The following LRRIQ4 variants were observed in gnomAD, a reference collection of about 807,000 sequenced individuals.
LRRIQ4 encodes leucine rich repeats and IQ motif containing 4.
LRRIQ4 carries 21 observed loss-of-function variants against 40.1 expected under a neutral mutation model. That is an observed-to-expected ratio of 0.52 (90% confidence interval 0.37 to 0.75). The LOEUF (loss-of-function observed/expected upper bound fraction) is 0.75. LRRIQ4 is among the 30% of genes least tolerant of loss of function. The pLI is 0.00. For missense variants in LRRIQ4, 655 were observed against 660.0 expected, an observed-to-expected ratio of 0.99 and a Z score of 0.08; for synonymous variants, 277 against 277.1, an observed-to-expected ratio of 1.00 and a Z score of 0.00.
At position 169,823,705 on chromosome 3, in the gene LRRIQ4, T is replaced by C. The variant is rs185271625; in HGVS notation, c.1020+764T>C. Among the ~76,000 whole-genome samples the C allele has an allele frequency of 2.3e-3, 356 of 152,290 alleles. 1 individual carries two copies. Among genetic ancestry groups the C allele is most frequent in the Non-Finnish European group, 2.5e-3 (171 of 68,024 alleles). Reference sequence around the variant, plus strand: ...ACAGAGTTTCCGTTAACAGCAGATGTTTCTAATACACAACAGCCTTAGAAG... The same window carrying C: ...ACAGAGTTTCCGTTAACAGCAGATGCTTCTAATACACAACAGCCTTAGAAG... On this transcript the variant is annotated intron_variant, in intron 2 of 5. Coordinates refer to ENST00000340806, the MANE Select transcript of LRRIQ4 (RefSeq NM_001080460.3).
At chr3:169,831,261 C>CTTT (rs869088396) in intron 4 of LRRIQ4, among the ~76,000 whole-genome samples, 354 of 33,476 alleles carry the variant, frequency 0.011, 64 homozygotes, top group Non-Finnish European at 0.017. Flanking sequence ...TATGGCTATT[C>CTTT]TTTTTTTTTT....
chr3:169,833,879 C>T (rs1281121934), intron 5 of LRRIQ4, among the ~76,000 whole-genome samples: 1 of 152,194 alleles, frequency 6.6e-6, no homozygotes, highest in Admixed American at 6.5e-5. Context: ...GTCCGTAAAA[C>T]CCCCTCTCAA....
chr3:169,823,301 G>T (rs1779960219), intron 2 of LRRIQ4, among the ~76,000 whole-genome samples: 1 of 151,122 alleles, frequency 6.6e-6, no homozygotes, highest in Admixed American at 6.6e-5. Context: ...CTGCAGCCGC[G>T]ATTCCAGCCC....
chr3:169,822,346 A>AC lies in LRRIQ4; in HGVS notation c.427dup (p.His143ProfsTer36). 1 of 1,613,598 alleles carries AC rather than the reference A, an allele frequency of 6.2e-7. No individual in the cohort carries two copies. The highest frequency in any genetic ancestry group is 1.1e-5 in the South Asian group (1 of 91,012). On this transcript the variant is annotated frameshift_variant, in exon 2 of 6. Transcript: ENST00000340806. LOFTEE classifies it high-confidence loss of function. ...CCCGTCGTCATCTTTAAAAACCTCC[A>AC]CCATCTCGAGCTGCTCGGACTGACC...
Position 169,822,999 on chromosome 3 carries a change from A to G in LRRIQ4, c.1020+58A>G, listed in dbSNP as rs1417001073. On this transcript the variant is annotated intron_variant, in intron 2 of 5. Transcript: ENST00000340806. ...CTCATCCAGGGTCCTTCCTGCCCTA[A>G]GTTGGTTCTGTATCTAAACAGCAAA... 7 of 1,423,508 alleles carry G rather than the reference A, an allele frequency of 4.9e-6. No homozygotes were observed. The Admixed American group carries it at 2.1e-4, about 43-fold the overall frequency. The allele number at this position is 1,423,508 out of a possible 1,614,324, so 88.2% of individuals were successfully genotyped here.
chr3:169,823,717 A>G (rs1779972192), intron 2 of LRRIQ4, among the ~76,000 whole-genome samples: 1 of 152,210 alleles, frequency 6.6e-6, no homozygotes, highest in Admixed American at 6.5e-5. Flanking sequence ...TCTAATACAC[A>G]ACAGCCTTAG....
In LRRIQ4 at chr3:169,822,948, A is replaced by T. The variant is rs1049566594; in HGVS notation, c.1020+7A>T. Reference sequence around the variant, plus strand: ...TGACAATAAAATAGGACAGGTACGGATTCCTTTTCTGGCTGTCACTATGCT... The same window carrying T: ...TGACAATAAAATAGGACAGGTACGGTTTCCTTTTCTGGCTGTCACTATGCT... On this transcript the variant is annotated splice_region_variant and intron_variant, in intron 2 of 5. Coordinates refer to ENST00000340806, the MANE Select transcript of LRRIQ4 (RefSeq NM_001080460.3). 2.6e-6 allele frequency: 4 copies of T among 1,509,732 alleles called. No homozygotes were observed. Among genetic ancestry groups the T allele is most frequent in the Non-Finnish European group, 1.8e-6 (2 of 1,129,984 alleles). The allele number at this position is 1,509,732 out of a possible 1,614,324, so 93.5% of individuals were successfully genotyped here.
intron 2 of LRRIQ4, among the ~76,000 whole-genome samples, chr3:169,825,801 G>C (rs566745970): frequency 3.2e-4 from 49 of 152,200 alleles, no homozygotes; most frequent in Non-Finnish European, 6.2e-4. Context: ...GACAATCTCT[G>C]TGTACCAGTG....
chr3:169,831,428 C>T (rs1461062103), intron 4 of LRRIQ4, among the ~76,000 whole-genome samples: 3 of 134,694 alleles, frequency 2.2e-5, no homozygotes, highest in Admixed American at 7.7e-5. Context: ...CGCCCGCCAC[C>T]ACGCCCGGCT....
chr3:169,831,261 C>CTTTTTTTTT lies in LRRIQ4; in HGVS notation c.1333+653_1333+661dup, dbSNP rs869088396. Reference sequence around the variant, plus strand: ...CACATGTTTTCAAACTATGGCTATTCTTTTTTTTTTTTTTTTTTTTTTTTT... The same window carrying CTTTTTTTTT: ...CACATGTTTTCAAACTATGGCTATTCTTTTTTTTTTTTTTTTTTTTTTTTTTTTTTTTTT... On this transcript the variant is annotated intron_variant, in intron 4 of 5. Coordinates refer to ENST00000340806, the MANE Select transcript of LRRIQ4 (RefSeq NM_001080460.3). Among the ~76,000 whole-genome samples, 13 of 33,464 alleles carry CTTTTTTTTT rather than the reference C, an allele frequency of 3.9e-4. 3 individuals are homozygous for CTTTTTTTTT. The highest frequency in any genetic ancestry group is 9.2e-4 in the African/African-American group (9 of 9,760). 22.0% of individuals were successfully genotyped at this position (33,464 alleles called of 152,430 possible).
At chr3:169,833,207 T>C in intron 5 of LRRIQ4, 24 bp downstream of exon 5, 1 of 1,591,104 alleles carries the variant, frequency 6.3e-7, no homozygotes. Context: ...AGATTCTTGA[T>C]AACAGTTGCT....
In LRRIQ4 at chr3:169,822,131, AAAG is replaced by A; in HGVS notation, c.213_215del (p.Lys71del). 6.2e-7 allele frequency: 1 copy of A among 1,612,896 alleles called. No homozygotes were observed. The highest frequency in any genetic ancestry group is 1.3e-5 in the African/African-American group (1 of 74,946). On this transcript the variant is annotated inframe_deletion, in exon 2 of 6. Coordinates refer to ENST00000340806, the MANE Select transcript of LRRIQ4 (RefSeq NM_001080460.3). ...AAATTCCCCAGGAGATTCAGCGTTT[AAAG>A]AACATCAGGGTCCTCTACCTGGATA...
At chr3:169,832,331 G>C (rs1366681277) in intron 4 of LRRIQ4, among the ~76,000 whole-genome samples, 1 of 151,924 alleles carries the variant, frequency 6.6e-6, no homozygotes, top group East Asian at 1.9e-4. Flanking sequence ...AGCTGGGCTT[G>C]GTGGTGGGTG....
rs1449413281 is a variant in LRRIQ4 at position 169,822,552 on chromosome 3, A to T, written c.631A>T (p.Thr211Ser). 2 of 1,613,936 alleles carry T rather than the reference A, an allele frequency of 1.2e-6. No individual in the cohort carries two copies. The highest frequency in any genetic ancestry group is 1.7e-6 in the Non-Finnish European group (2 of 1,179,848). Residue 211 changes from threonine to serine, a missense_variant, in exon 2 of 6, where the codon ACG becomes TCG. Transcript: ENST00000340806. The stretch of plus-strand genomic sequence containing the variant: ...CATCCCAGAAGAGATCGGACACCTG[A>T]CGGGGCTGCAGAAGTTCTATATGGC... ...GAIPEEIGHL[T>S]GLQKFYMASN...
chr3:169,820,188 G>A (rs927514351), intron 1 of LRRIQ4, among the ~76,000 whole-genome samples: 1 of 151,720 alleles, frequency 6.6e-6, no homozygotes, highest in Admixed American at 6.6e-5. Context: ...GAAGTTCAAA[G>A]ACGCTACCGC....
intron 3 of LRRIQ4, 30 bp downstream of exon 3, chr3:169,828,962 A>C: frequency 6.4e-7 from 1 of 1,574,748 alleles, no homozygotes; most frequent in Non-Finnish European, 8.6e-7. Context: ...CAGGCTAAGA[A>C]GCACCTGTCA....
chr3:169,836,857 G>A (rs1560617289), intron 5 of LRRIQ4, among the ~76,000 whole-genome samples: 1 of 152,216 alleles, frequency 6.6e-6, no homozygotes, highest in Non-Finnish European at 1.5e-5. Flanking sequence ...GAGTGAGCCA[G>A]GGAAAAGGGA....
chr3:169,815,672 T>C (rs933837738), intron 1 of LRRIQ4, among the ~76,000 whole-genome samples: 2 of 152,238 alleles, frequency 1.3e-5, no homozygotes, highest in Admixed American at 1.3e-4. Context: ...CTTCCAGTGC[T>C]ACACTGAATA....
intron 5 of LRRIQ4, 67 bp downstream of exon 5, chr3:169,833,250 A>T: frequency 2.9e-6 from 4 of 1,365,618 alleles, no homozygotes; most frequent in Middle Eastern, 1.9e-4. Context: ...CACAGTACAG[A>T]TTATCCTACG....
Sources: allele counts gnomAD v4.1 joint callset (sites outside exome capture counted in the v4.1 genomes callset), GRCh38; gene constraint gnomAD v4.1.1; transcripts MANE v1.5; gene names NCBI Gene and HGNC (gene_info 2026-07-23, HGNC 2026-07-21).